FGF13: variants seen among roughly 807,000 people sequenced by gnomAD.
FGF13 encodes fibroblast growth factor homologous factor 2.
FGF13 carries 2 observed loss-of-function variants against 19.5 expected under a neutral mutation model. That is an observed-to-expected ratio of 0.10 (90% CI 0.04 to 0.32). The LOEUF is 0.32. FGF13 is among the 10% of genes least tolerant of loss of function. FGF13 has a pLI of 1.00. For synonymous variants in FGF13, 72 were observed against 76.9 expected (o/e 0.94, Z 0.33); for missense variants, 113 against 192.7 (o/e 0.59, Z 2.45).
At position 139,028,460 on chromosome X, in the gene FGF13, T is replaced by C. The variant is rs58575991; in HGVS notation, c.-112-163810A>G. Among the ~76,000 whole-genome samples, 1,038 of 111,343 alleles carry C rather than the reference T, an allele frequency of 9.3e-3. 9 individuals are homozygous for C. The highest frequency in any genetic ancestry group is 0.032 in the African/African-American group (966 of 30,619). On this transcript the variant is annotated intron_variant, in intron 1 of 2. Transcript: ENST00000421460. ...CAATAGAGCAATCAGGTGTTTGTGCTATGAGGAAAATAAAGACTGAATGAT... is the reference window on the plus strand; with the variant it reads ...CAATAGAGCAATCAGGTGTTTGTGCCATGAGGAAAATAAAGACTGAATGAT...
chrX:139,001,899 T>C (rs767704601), intron 1 of FGF13, among the ~76,000 whole-genome samples: 7 of 111,996 alleles, frequency 6.3e-5, no homozygotes, highest in South Asian at 3.8e-4. Flanking sequence ...CATATGTTTA[T>C]TGCAGCACTG....
At chrX:138,665,286 C>T (rs1004528407) in intron 3 of FGF13, among the ~76,000 whole-genome samples, 32 of 111,157 alleles carry the variant, frequency 2.9e-4, no homozygotes, top group African/African-American at 9.8e-4. Context: ...CCACGGCTAC[C>T]TGGGGTTCAG....
chrX:139,006,034 A>G (rs937217761), intron 1 of FGF13, among the ~76,000 whole-genome samples: 30 of 111,442 alleles, frequency 2.7e-4, no homozygotes, highest in Admixed American at 1.2e-3. Flanking sequence ...ATAAAAACAG[A>G]GAACTTCCCA....
intron 4 of FGF13, 109 bp from the exon 5 acceptor site, chrX:138,633,095 G>A (rs1470682096): frequency 2.5e-6 from 2 of 784,950 alleles, no homozygotes; most frequent in African/African-American, 2.1e-5. Context: ...TAAATGATAA[G>A]TATGTGAGGT....
At chrX:139,061,831 T>C (rs772473781) in intron 1 of FGF13, among the ~76,000 whole-genome samples, 1 of 111,260 alleles carries the variant, frequency 9.0e-6, no homozygotes, top group South Asian at 3.8e-4. Context: ...ATGTTGAGTG[T>C]TTTTTTCATA....
intron 3 of FGF13, among the ~76,000 whole-genome samples, chrX:138,748,801 T>C (rs2090375519): frequency 8.9e-6 from 1 of 111,744 alleles, no homozygotes; most frequent in South Asian, 3.8e-4. Flanking sequence ...CAATATTGTA[T>C]TGTATACTTA....
chrX:138,872,769 A>C lies in FGF13; in HGVS notation c.-112-8119T>G, dbSNP rs746190693. Among the ~76,000 whole-genome samples, 5 of 112,042 alleles carry C rather than the reference A, an allele frequency of 4.5e-5. No individual in the cohort carries two copies. The East Asian group carries it at 1.4e-3, about 32-fold the overall frequency. On this transcript the variant is annotated intron_variant, in intron 1 of 2. Coordinates refer to the FGF13 transcript ENST00000421460. ...CTGACTGGTGAGGTTTCAAAAGATA[A>C]ACTAGCATTCCTAGCTCAGCTCCTT...
At chrX:139,203,958 C>A, upstream of FGF13, 1 of 906,375 alleles carries the variant, frequency 1.1e-6, no homozygotes, top group Non-Finnish European at 1.6e-6. Context: ...GCAGCTTAGG[C>A]TCCGGGAAGG....
At position 138,672,683 on chromosome X, in the gene FGF13, G is replaced by A. The variant is rs2089626293; in HGVS notation, c.402+30301C>T. Among the ~76,000 whole-genome samples the A allele has an allele frequency of 2.7e-5, 3 of 112,018 alleles. No homozygotes were observed. In the South Asian group the frequency reaches 1.1e-3, roughly 41 times the overall value. ...CCTGAACTTTAAATAAGAATGCCAG[G>A]CTGGAGAATTTGGGGAATCACCAGT... On this transcript the variant is annotated intron_variant, in intron 3 of 4. Transcript: ENST00000315930.
intron 3 of FGF13, among the ~76,000 whole-genome samples, chrX:138,665,197 A>G (rs781673716): frequency 5.4e-5 from 6 of 111,294 alleles, no homozygotes; most frequent in Non-Finnish European, 1.1e-4. Context: ...TGAAGGAACA[A>G]AGTGAGGCTG....
chrX:139,182,053 G>GTAGTAA (rs2084243169), intron 1 of FGF13, among the ~76,000 whole-genome samples: 1 of 109,619 alleles, frequency 9.1e-6, no homozygotes, highest in Admixed American at 9.7e-5. Context: ...AAGAACTTAA[G>GTAGTAA]TAATAATAAT....
At chrX:138,781,228 T>G (rs1457405948) in intron 3 of FGF13, among the ~76,000 whole-genome samples, 1 of 109,296 alleles carries the variant, frequency 9.1e-6, no homozygotes, top group Non-Finnish European at 1.9e-5. Context: ...AGATCAAAAA[T>G]TGACACCCTA....
intron 3 of FGF13, among the ~76,000 whole-genome samples, chrX:138,782,532 G>C (rs1237256322): frequency 3.7e-5 from 4 of 108,266 alleles, no homozygotes; most frequent in Non-Finnish European, 7.6e-5. Context: ...GACAAACAGA[G>C]AGCCAAATCA....
chrX:138,665,429 G>A (rs562904518), intron 3 of FGF13, among the ~76,000 whole-genome samples: 73 of 111,553 alleles, frequency 6.5e-4, no homozygotes, highest in South Asian at 1.1e-3. Flanking sequence ...AGATAGTAGG[G>A]GAGCTGTTTC....
rs2089011237 is a variant in FGF13, at chrX:138,621,005, A to G, written c.*11845T>C. 8.9e-6 allele frequency: 1 copy of G among 111,932 alleles called. No individual in the cohort carries two copies. Among genetic ancestry groups the G allele is most frequent in the Admixed American group, 9.5e-5 (1 of 10,508 alleles). The allele number at this position is 111,932 out of a possible 1,213,427, so 9.2% of individuals were successfully genotyped here. On this transcript the variant is annotated 3_prime_UTR_variant, in exon 5 of 5. Transcript: ENST00000315930. ...AAAGCAGGTATTAATAGATATGAAC[A>G]GGAAATATAGACTGTAATAGTATAG... is the stretch of plus-strand genomic sequence containing the variant.
intron 3 of FGF13, among the ~76,000 whole-genome samples, chrX:138,782,559 C>T (rs1355690887): frequency 2.8e-5 from 3 of 106,902 alleles, no homozygotes; most frequent in African/African-American, 1.0e-4. Flanking sequence ...AACTCCCATT[C>T]ACAATTGCTT....
At chrX:138,738,603 A>G (rs1192519270) in intron 1 of FGF13, among the ~76,000 whole-genome samples, 1 of 111,667 alleles carries the variant, frequency 9.0e-6, no homozygotes, top group African/African-American at 3.3e-5. Context: ...TGGTTCCATC[A>G]GCTATCTGCG....
intron 2 of FGF13, among the ~76,000 whole-genome samples, chrX:138,858,947 G>A (rs747235668): frequency 1.7e-4 from 19 of 111,609 alleles, no homozygotes; most frequent in Non-Finnish European, 3.4e-4. Context: ...TTTAGAACAA[G>A]TTCTTAATAG....
chrX:138,709,735 C>A (rs999749349), intron 1 of FGF13, among the ~76,000 whole-genome samples: 1 of 112,136 alleles, frequency 8.9e-6, no homozygotes, highest in Non-Finnish European at 1.9e-5. Context: ...CCAAAATTTT[C>A]TTTTACTGAA....
Sources: allele counts gnomAD v4.1 joint callset (sites outside exome capture counted in the v4.1 genomes callset), GRCh38; gene constraint gnomAD v4.1.1; transcripts MANE v1.5; gene names NCBI Gene and HGNC (gene_info 2026-07-23, HGNC 2026-07-21).